The following ESRRG variants were observed in gnomAD, a reference collection of about 807,000 sequenced individuals.
The protein encoded by ESRRG is estrogen related receptor gamma.
In ESRRG, 13 loss-of-function variants were observed where a neutral mutation model predicts 44.0. The ratio of observed to expected loss-of-function variants is 0.30; its 90% CI spans 0.19 to 0.47. The LOEUF is 0.47. ESRRG is among the 20% of genes least tolerant of loss of function. The probability of loss-of-function intolerance (pLI) is 1.00; values close to 1 mark genes in which losing one functional copy is unlikely to be tolerated. For synonymous variants in ESRRG, 215 were observed against 214.6 expected (o/e 1.00, Z -0.02); for missense variants, 395 against 580.6 (o/e 0.68, Z 3.29).
intron 1 of ESRRG, among the ~76,000 whole-genome samples, chr1:217,110,012 T>C (rs980659439): frequency 5.9e-5 from 9 of 152,156 alleles, no homozygotes; most frequent in African/African-American, 2.2e-4. Context: ...TCTAAGCCCA[T>C]CTGCCTTGAT....
intron 3 of ESRRG, among the ~76,000 whole-genome samples, chr1:216,582,491 G>C (rs1228992138): frequency 6.6e-6 from 1 of 152,084 alleles, no homozygotes; most frequent in Non-Finnish European, 1.5e-5. Context: ...ACCCAGGCTG[G>C]AATGCAGTGG....
chr1:216,839,998 A>G (rs2095626465), intron 2 of ESRRG, among the ~76,000 whole-genome samples: 1 of 152,150 alleles, frequency 6.6e-6, no homozygotes, highest in South Asian at 2.1e-4. Context: ...CTTCAACTTA[A>G]AGTCAACAGC....
At chr1:216,728,720 G>A (rs1205695715) in intron 2 of ESRRG, among the ~76,000 whole-genome samples, 1 of 151,048 alleles carries the variant, frequency 6.6e-6, no homozygotes, top group Non-Finnish European at 1.5e-5. Context: ...GTATATGGAT[G>A]TTCAATACAA....
Position 216,789,665 on chromosome 1 carries a change from G to A in ESRRG, c.-13-112174C>T, listed in dbSNP as rs547228913. Among the ~76,000 whole-genome samples the A allele has an allele frequency of 1.8e-4, 28 of 152,216 alleles. 1 individual carries two copies. The South Asian group carries it at 5.4e-3, about 29-fold the overall frequency. On this transcript the variant is annotated intron_variant, in intron 2 of 7. Transcript: ENST00000359162. ...AATCTAATATTTTCATTTCACAAAGGAGAAAGCTAAGGTCTGGAGATTAAG... is the reference window on the plus strand; with the variant it reads ...AATCTAATATTTTCATTTCACAAAGAAGAAAGCTAAGGTCTGGAGATTAAG...
At chr1:217,086,123 C>T (rs2092073326) in intron 1 of ESRRG, among the ~76,000 whole-genome samples, 1 of 152,174 alleles carries the variant, frequency 6.6e-6, no homozygotes. Context: ...ACGACAGACT[C>T]TATTGTTCAT....
chr1:216,555,320 T>C (rs1485793196), intron 5 of ESRRG, among the ~76,000 whole-genome samples: 1 of 152,220 alleles, frequency 6.6e-6, no homozygotes, highest in Non-Finnish European at 1.5e-5. Flanking sequence ...CACACTTTAC[T>C]ATAAATCACT....
At chr1:216,723,980 T>G (rs1488639147), upstream of ESRRG, among the ~76,000 whole-genome samples, 1 of 152,148 alleles carries the variant, frequency 6.6e-6, no homozygotes, top group Non-Finnish European at 1.5e-5. Flanking sequence ...CTTTCTCATG[T>G]ATTCCTAATC....
At chr1:216,771,848 A>G (rs1171598422) in intron 2 of ESRRG, among the ~76,000 whole-genome samples, 2 of 139,516 alleles carry the variant, frequency 1.4e-5, no homozygotes, top group Non-Finnish European at 3.0e-5. Flanking sequence ...AGACATAGCT[A>G]ATGAGGTAAA....
chr1:216,568,936 C>T (rs1425539127), intron 3 of ESRRG, among the ~76,000 whole-genome samples: 3 of 151,954 alleles, frequency 2.0e-5, no homozygotes, highest in Non-Finnish European at 2.9e-5. Context: ...TGCCTGTAAT[C>T]CCAGCTACTC....
chr1:217,122,664 C>CTTTTT (rs10716545), intron 1 of ESRRG, among the ~76,000 whole-genome samples: 3 of 87,338 alleles, frequency 3.4e-5, no homozygotes, highest in African/African-American at 4.8e-5. Context: ...GACACACACA[C>CTTTTT]TTTTTTTTTT....
At chr1:216,852,217 G>A (rs2095853093) in intron 2 of ESRRG, among the ~76,000 whole-genome samples, 1 of 152,210 alleles carries the variant, frequency 6.6e-6, no homozygotes, top group African/African-American at 2.4e-5. Context: ...CCTTTAAAGA[G>A]ATTAGTGATA....
intron 2 of ESRRG, among the ~76,000 whole-genome samples, chr1:216,785,406 C>T (rs1228723212): frequency 6.6e-6 from 1 of 152,032 alleles, no homozygotes; most frequent in Non-Finnish European, 1.5e-5. Context: ...AAATGTCAAG[C>T]ACTGCGAGGT....
At chr1:216,745,520 A>G (rs2091291122) in intron 2 of ESRRG, among the ~76,000 whole-genome samples, 1 of 152,010 alleles carries the variant, frequency 6.6e-6, no homozygotes, top group Non-Finnish European at 1.5e-5. Flanking sequence ...CACTTAAGTA[A>G]CATTTTTCTC....
intron 1 of ESRRG, among the ~76,000 whole-genome samples, chr1:216,990,822 T>C (rs2075574381): frequency 6.6e-6 from 1 of 152,182 alleles, no homozygotes; most frequent in African/African-American, 2.4e-5. Flanking sequence ...AGGCTGTTAG[T>C]AGTTAAGTTT....
intron 1 of ESRRG, among the ~76,000 whole-genome samples, chr1:217,106,435 T>G (rs1262864437): frequency 6.6e-6 from 1 of 151,644 alleles, no homozygotes; most frequent in East Asian, 1.9e-4. Context: ...GGTCTCAGCC[T>G]TTTTATTTTT....
At chr1:216,951,715 CTATGTGTG>C (rs1260444996) in intron 1 of ESRRG, among the ~76,000 whole-genome samples, 4 of 92,018 alleles carry the variant, frequency 4.3e-5, no homozygotes, top group Non-Finnish European at 4.3e-5. Flanking sequence ...GGAACTATCA[CTATGTGTG>C]TGTGTGTGTG....
At chr1:216,930,595 C>T (rs377102072) in intron 2 of ESRRG, among the ~76,000 whole-genome samples, 12 of 152,256 alleles carry the variant, frequency 7.9e-5, no homozygotes, top group South Asian at 4.1e-4. Flanking sequence ...ACTGCAAAGA[C>T]GTATAAGACA....
chr1:216,863,471 T>C (rs2096088532), intron 2 of ESRRG: 1 of 152,154 alleles, frequency 6.6e-6, no homozygotes, highest in African/African-American at 2.4e-5. Flanking sequence ...TCATACTACC[T>C]AGTTGCAGAA....
chr1:216,936,720 A>C (rs1211709683), intron 2 of ESRRG: 2 of 152,040 alleles, frequency 1.3e-5, no homozygotes, highest in Non-Finnish European at 2.9e-5. Context: ...AAAAAAAAGA[A>C]GAAGGAGAAG....
Sources: allele counts gnomAD v4.1 joint callset (sites outside exome capture counted in the v4.1 genomes callset), GRCh38; gene constraint gnomAD v4.1.1; transcripts MANE v1.5; gene names NCBI Gene and HGNC (gene_info 2026-07-23, HGNC 2026-07-21).